Variants in MYO16 observed in about 807,000 individuals in gnomAD.
MYO16 encodes the protein myosin XVI, also known as unconventional myosin-XVI.
A neutral mutation model predicts 205.3 loss-of-function variants in MYO16; 94 were observed. The observed-to-expected ratio is 0.46, with a 90% CI of 0.39 to 0.54. The LOEUF (loss-of-function observed/expected upper bound fraction) is 0.54, where lower values mean the gene tolerates loss of function less well. Ranked by LOEUF, MYO16 falls within the 20% of genes least tolerant of loss-of-function variation. The pLI, the probability that MYO16 is intolerant of heterozygous loss-of-function variation, is 0.00. For synonymous variants in MYO16, 988 were observed against 954.0 expected, an observed-to-expected ratio of 1.04 and a Z score of -0.66; for missense variants, 2,315 against 2,387.5, an observed-to-expected ratio of 0.97 and a Z score of 0.63.
intron 3 of MYO16, among the ~76,000 whole-genome samples, chr13:108,726,711 C>T (rs918385904): frequency 1.3e-5 from 2 of 152,040 alleles, no homozygotes; most frequent in Non-Finnish European, 2.9e-5. Context: ...CATCTAAGTG[C>T]AGTTGCATAG....
intron 9 of MYO16, among the ~76,000 whole-genome samples, chr13:108,836,750 T>G (rs1876942165): frequency 6.6e-6 from 1 of 152,214 alleles, no homozygotes; most frequent in South Asian, 2.1e-4. Context: ...TGTTGTATTT[T>G]GGACTTGCAT....
chr13:108,636,583 T>A (rs1390833833), intron 1 of MYO16, among the ~76,000 whole-genome samples: 1 of 152,100 alleles, frequency 6.6e-6, no homozygotes, highest in Non-Finnish European at 1.5e-5. Context: ...TTTCACCATA[T>A]TGGCCAGGAT....
At chr13:108,621,945 A>G (rs1006913057) in intron 1 of MYO16, among the ~76,000 whole-genome samples, 3 of 152,050 alleles carry the variant, frequency 2.0e-5, no homozygotes, top group African/African-American at 7.3e-5. Flanking sequence ...AAACTTTATC[A>G]TAGGAATAGT....
chr13:108,598,229 G>T (rs1170791680), intron 1 of MYO16, among the ~76,000 whole-genome samples: 1 of 152,204 alleles, frequency 6.6e-6, no homozygotes, highest in African/African-American at 2.4e-5. Context: ...CAGTGAATCT[G>T]ATTCCGGCCT....
At chr13:109,177,673 G>A (rs576015176) in intron 33 of MYO16, among the ~76,000 whole-genome samples, 6 of 151,984 alleles carry the variant, frequency 3.9e-5, no homozygotes, top group South Asian at 2.1e-4. Flanking sequence ...GTGCACCACC[G>A]TGCCCGGGTA....
chr13:108,566,858 T>G, the MYO16 span, among the ~76,000 whole-genome samples: 8 of 152,116 alleles, frequency 5.3e-5, no homozygotes, highest in Admixed American at 1.3e-4. Context: ...AAAATAAACT[T>G]CCAAGTGGAA....
intron 4 of MYO16, among the ~76,000 whole-genome samples, chr13:108,737,723 C>A (rs1014862096): frequency 1.3e-5 from 2 of 152,180 alleles, no homozygotes; most frequent in South Asian, 2.1e-4. Context: ...ACCAGCTCCT[C>A]CTTGTACCTC....
intron 16 of MYO16, among the ~76,000 whole-genome samples, chr13:108,933,137 A>G (rs76162823): frequency 0.012 from 1,886 of 152,300 alleles, 32 homozygotes; most frequent in Non-Finnish European, 0.021. Flanking sequence ...AGAGTATACC[A>G]AGGCATTCCT....
chr13:108,829,111 TG>T (rs1876456677), intron 9 of MYO16, among the ~76,000 whole-genome samples: 1 of 152,162 alleles, frequency 6.6e-6, no homozygotes, highest in Non-Finnish European at 1.5e-5. Flanking sequence ...GAATCTAAAA[TG>T]GGGGCAGTCT....
At chr13:108,704,690 A>G (rs1387706726) in intron 2 of MYO16, among the ~76,000 whole-genome samples, 3 of 152,052 alleles carry the variant, frequency 2.0e-5, no homozygotes, top group African/African-American at 7.2e-5. Context: ...ACACAACCTA[A>G]TCACCCAAAG....
At chr13:108,885,684 TA>T (rs1182510474) in intron 13 of MYO16, among the ~76,000 whole-genome samples, 2 of 152,218 alleles carry the variant, frequency 1.3e-5, no homozygotes, top group Non-Finnish European at 2.9e-5. Context: ...TTCTATGTAT[TA>T]TTTATTTCTT....
intron 17 of MYO16, among the ~76,000 whole-genome samples, chr13:108,959,734 G>C (rs1008682018): frequency 6.6e-6 from 1 of 152,136 alleles, no homozygotes; most frequent in African/African-American, 2.4e-5. Flanking sequence ...CCGTCTAGCC[G>C]GGCGGCAGGG....
intron 27 of MYO16, among the ~76,000 whole-genome samples, chr13:109,065,988 C>T (rs1887736873): frequency 6.6e-6 from 1 of 152,184 alleles, no homozygotes; most frequent in Non-Finnish European, 1.5e-5. Context: ...GGACCGTGAG[C>T]TGTGTTTTTA....
intron 1 of MYO16, among the ~76,000 whole-genome samples, chr13:108,663,040 G>A (rs1194658724): frequency 1.3e-5 from 2 of 152,176 alleles, no homozygotes; most frequent in Non-Finnish European, 2.9e-5. Context: ...GTGGGGGTGT[G>A]TGTCTGGGAA....
At position 109,023,017 on chromosome 13, in the gene MYO16, G is replaced by A. The variant is rs1005065748; in HGVS notation, c.2796+3106G>A. Among the ~76,000 whole-genome samples, 4 of 132,782 alleles carry A rather than the reference G, an allele frequency of 3.0e-5. No individual in the cohort carries two copies. The East Asian group carries it at 6.4e-4, about 21-fold the overall frequency. 87.1% of individuals were successfully genotyped at this position (132,782 alleles called of 152,430 possible). On this transcript the variant is annotated intron_variant, in intron 23 of 34. Transcript: ENST00000457511. Reference sequence around the variant, plus strand: ...ATATATTATATATACACATGTAAATGTATGTATATATTTATATATTAATAC... The same window carrying A: ...ATATATTATATATACACATGTAAATATATGTATATATTTATATATTAATAC...
At chr13:108,689,303 C>T (rs574500265) in intron 2 of MYO16, among the ~76,000 whole-genome samples, 2 of 152,054 alleles carry the variant, frequency 1.3e-5, no homozygotes, top group Admixed American at 6.6e-5. Flanking sequence ...TTCAAAAATG[C>T]ATTGTGGACA....
intron 4 of MYO16, among the ~76,000 whole-genome samples, chr13:108,738,267 C>A (rs1249798179): frequency 6.6e-6 from 1 of 152,082 alleles, no homozygotes; most frequent in Non-Finnish European, 1.5e-5. Flanking sequence ...CTCTTGTGGG[C>A]ATTTAGTGCT....
At chr13:109,054,644 A>C (rs943929819) in intron 25 of MYO16, among the ~76,000 whole-genome samples, 3 of 152,056 alleles carry the variant, frequency 2.0e-5, no homozygotes, top group African/African-American at 7.2e-5. Flanking sequence ...TGATTTACAC[A>C]ACAGCCCTGT....
chr13:108,604,498 G>A (rs540665215), intron 1 of MYO16, among the ~76,000 whole-genome samples: 1 of 152,306 alleles, frequency 6.6e-6, no homozygotes, highest in South Asian at 2.1e-4. Flanking sequence ...TTGCAATGGT[G>A]ATAGCACAAA....
Sources: allele counts gnomAD v4.1 joint callset (sites outside exome capture counted in the v4.1 genomes callset), GRCh38; gene constraint gnomAD v4.1.1; transcripts MANE v1.5; gene names NCBI Gene and HGNC (gene_info 2026-07-23, HGNC 2026-07-21).